The following PTPRD variants were observed in gnomAD, a reference collection of about 807,000 sequenced individuals.
PTPRD encodes the protein receptor-type tyrosine-protein phosphatase delta.
A neutral mutation model predicts 214.5 loss-of-function variants in PTPRD; 34 were observed. That is an observed-to-expected ratio of 0.16 (90% CI 0.12 to 0.21). The LOEUF is 0.21. PTPRD is among the 10% of genes least tolerant of loss of function. The pLI, the probability that PTPRD is intolerant of heterozygous loss-of-function variation, is 1.00. For missense variants in PTPRD, 2,545 were observed against 2,398.7 expected (o/e 1.06, Z -1.27); for synonymous variants, 1,128 against 845.7 (o/e 1.33, Z -5.79).
intron 7 of PTPRD, among the ~76,000 whole-genome samples, chr9:9,694,140 G>T (rs2097327006): frequency 6.6e-6 from 1 of 152,204 alleles, no homozygotes; most frequent in Non-Finnish European, 1.5e-5. Context: ...TGTTTTCCTG[G>T]CGTGTTGATT....
intron 3 of PTPRD, among the ~76,000 whole-genome samples, chr9:10,286,002 C>T (rs1023064988): frequency 5.9e-5 from 9 of 152,000 alleles, no homozygotes; most frequent in African/African-American, 2.2e-4. Context: ...ATATTTGTTT[C>T]TATACACTGA....
rs116542851 is a variant in PTPRD, at chr9:9,788,790, T to A, written c.-367-21939A>T. The stretch of plus-strand genomic sequence containing the variant: ...AATCTGGCCATATTTTAAAGAATAT[T>A]TTTTTTTTCTGCATGAAGTTGACAT... On this transcript the variant is annotated intron_variant, in intron 5 of 45. Transcript: ENST00000381196. 4.6e-3 allele frequency among the ~76,000 whole-genome samples: 705 copies of A among 151,666 alleles called. 2 individuals carry two copies. The highest frequency in any genetic ancestry group is 0.016 in the African/African-American group (656 of 41,362).
chr9:10,229,300 C>A (rs942258523), intron 3 of PTPRD, among the ~76,000 whole-genome samples: 3 of 152,018 alleles, frequency 2.0e-5, no homozygotes, highest in African/African-American at 7.2e-5. Flanking sequence ...GTGGCAATTC[C>A]TCAGGGATCT....
At chr9:8,976,470 C>A (rs2099268610) in intron 11 of PTPRD, among the ~76,000 whole-genome samples, 1 of 151,984 alleles carries the variant, frequency 6.6e-6, no homozygotes, top group Non-Finnish European at 1.5e-5. Context: ...TCCATTTTAG[C>A]AACTCTTCTA....
chr9:10,313,418 A>AC lies in PTPRD; in HGVS notation c.-545+27544_-545+27545insG, dbSNP rs1565224183. Among the ~76,000 whole-genome samples, 38 of 151,646 alleles carry AC rather than the reference A, an allele frequency of 2.5e-4. 1 individual carries two copies. In the Middle Eastern group the frequency reaches 0.01, roughly 41 times the overall value. On this transcript the variant is annotated intron_variant, in intron 3 of 45. Coordinates refer to ENST00000381196, the MANE Select transcript of PTPRD (RefSeq NM_002839.4). ...AGATTACACACACACACACACACAC[A>AC]AATTTTTAAAAAGTCCCTAATACTC...
intron 12 of PTPRD, among the ~76,000 whole-genome samples, chr9:8,638,859 T>C (rs1431703319): frequency 1.3e-5 from 2 of 152,270 alleles, no homozygotes; most frequent in East Asian, 3.9e-4. Context: ...TATTTATTTA[T>C]TTTAGATGGA....
At chr9:9,352,282 G>A (rs1023732291) in intron 9 of PTPRD, among the ~76,000 whole-genome samples, 21 of 149,856 alleles carry the variant, frequency 1.4e-4, no homozygotes, top group Admixed American at 2.7e-4. Flanking sequence ...TTGATAGCTC[G>A]TAAACACAAA....
At chr9:9,978,454 G>C (rs1181719320) in intron 4 of PTPRD, among the ~76,000 whole-genome samples, 1 of 151,868 alleles carries the variant, frequency 6.6e-6, no homozygotes, top group Non-Finnish European at 1.5e-5. Flanking sequence ...ACTTCATCTA[G>C]CTAAGGAAAA....
At chr9:9,359,469 C>T (rs2055154730) in intron 9 of PTPRD, among the ~76,000 whole-genome samples, 1 of 151,238 alleles carries the variant, frequency 6.6e-6, no homozygotes, top group East Asian at 1.9e-4. Context: ...TCCTGATCTT[C>T]ATAAAAACAG....
chr9:9,884,698 T>C (rs1181812590), intron 5 of PTPRD, among the ~76,000 whole-genome samples: 3 of 152,122 alleles, frequency 2.0e-5, no homozygotes, highest in East Asian at 1.9e-4. Context: ...TGAAAGGTAA[T>C]TGAATCATGG....
At chr9:9,423,209 A>AAATG (rs1244294184) in intron 8 of PTPRD, among the ~76,000 whole-genome samples, 1 of 152,172 alleles carries the variant, frequency 6.6e-6, no homozygotes, top group Admixed American at 6.6e-5. Flanking sequence ...GTCCTCCTCG[A>AAATG]AATGAAGCCT....
rs74357179 is a variant in PTPRD, at chr9:10,238,773, G to A, written c.-545+102190C>T. ...GCTAATTTTGTTAATTATGAGTTTT[G>A]AAGAAACAAAAGTTGGGATAATTGA... On this transcript the variant is annotated intron_variant, in intron 3 of 45. Transcript: ENST00000381196. 4.1e-4 allele frequency among the ~76,000 whole-genome samples: 63 copies of A among 151,980 alleles called. 1 individual carries two copies. The East Asian group carries it at 0.012, about 28-fold the overall frequency.
chr9:9,479,252 T>C (rs973705302), intron 8 of PTPRD, among the ~76,000 whole-genome samples: 45 of 104,102 alleles, frequency 4.3e-4, no homozygotes, highest in Admixed American at 2.0e-3. Context: ...ACCTCTAGCA[T>C]TTGGAATTAT....
chr9:9,743,538 C>T (rs1408773661), intron 6 of PTPRD, among the ~76,000 whole-genome samples: 3 of 151,970 alleles, frequency 2.0e-5, no homozygotes, highest in African/African-American at 7.2e-5. Flanking sequence ...CATCTGACCT[C>T]CCTAAGGGCC....
At chr9:8,998,808 A>G (rs2099406963) in intron 11 of PTPRD, among the ~76,000 whole-genome samples, 1 of 152,036 alleles carries the variant, frequency 6.6e-6, no homozygotes, top group African/African-American at 2.4e-5. Flanking sequence ...GTTAAGGCCA[A>G]AATATCAACA....
intron 9 of PTPRD, among the ~76,000 whole-genome samples, chr9:9,354,166 C>T (rs1358271469): frequency 6.6e-6 from 1 of 151,636 alleles, no homozygotes; most frequent in Non-Finnish European, 1.5e-5. Context: ...CCAGTTTTAC[C>T]CATGATGGTT....
intron 2 of PTPRD, among the ~76,000 whole-genome samples, chr9:10,366,063 A>G (rs2097509588): frequency 6.6e-6 from 1 of 152,180 alleles, no homozygotes; most frequent in South Asian, 2.1e-4. Context: ...TTTCATTATC[A>G]GGAATGTGCT....
chr9:8,633,121 C>A (rs575744456), intron 14 of PTPRD, among the ~76,000 whole-genome samples, 196 bp downstream of exon 14: 1 of 152,002 alleles, frequency 6.6e-6, no homozygotes, highest in South Asian at 2.1e-4. Context: ...CTCTGATATT[C>A]CCCCTGAACT....
At chr9:8,931,175 C>T (rs1332364614) in intron 11 of PTPRD, among the ~76,000 whole-genome samples, 1 of 151,910 alleles carries the variant, frequency 6.6e-6, no homozygotes, top group Admixed American at 6.6e-5. Flanking sequence ...CAGCTTTCTA[C>T]ATATGCCTAG....
Sources: gnomAD v4.1 joint callset for allele counts (sites outside exome capture counted in the v4.1 genomes callset) on GRCh38, gnomAD v4.1.1 for gene constraint, MANE v1.5 for transcripts, NCBI Gene and HGNC (gene_info 2026-07-23, HGNC 2026-07-21) for gene names.